The following KCNMB2 variants were observed in gnomAD, a reference collection of about 807,000 sequenced individuals.
KCNMB2 encodes the protein calcium-activated potassium channel subunit beta-2.
A neutral mutation model predicts 24.5 loss-of-function variants in KCNMB2; 9 were observed. That is an observed-to-expected ratio of 0.37 (90% CI 0.22 to 0.64). The LOEUF is 0.64. KCNMB2 is among the 30% of genes least tolerant of loss of function. The pLI, the probability that KCNMB2 is intolerant of heterozygous loss-of-function variation, is 0.63. For missense variants in KCNMB2, 226 were observed against 284.3 expected (o/e 0.79, Z 1.47); for synonymous variants, 109 against 104.4 (o/e 1.04, Z -0.27).
chr3:178,682,663 C>A (rs533810059), intron 1 of KCNMB2, among the ~76,000 whole-genome samples: 9 of 151,550 alleles, frequency 5.9e-5, no homozygotes, highest in Admixed American at 6.6e-5. Context: ...GAAACTTAAA[C>A]AATTGAACAA....
At chr3:178,542,005 A>T (rs1053217919) in intron 1 of KCNMB2, among the ~76,000 whole-genome samples, 16 of 152,148 alleles carry the variant, frequency 1.1e-4, no homozygotes, top group African/African-American at 3.9e-4. Context: ...GAATTAGTTT[A>T]TCCTGTGCAG....
intron 2 of KCNMB2, among the ~76,000 whole-genome samples, chr3:178,813,952 G>GTTGT (rs1418563491): frequency 7.2e-6 from 1 of 139,224 alleles, no homozygotes; most frequent in African/African-American, 2.7e-5. Flanking sequence ...TCACTACGTT[G>GTTGT]TTGTTGTTGT....
At chr3:178,772,095 G>A (rs995886865) in intron 1 of KCNMB2, among the ~76,000 whole-genome samples, 16 of 152,008 alleles carry the variant, frequency 1.1e-4, no homozygotes, top group African/African-American at 3.1e-4. Context: ...ATTAACTAAC[G>A]ATCCCCTCCT....
At chr3:178,671,258 C>T (rs1230669175) in intron 1 of KCNMB2, among the ~76,000 whole-genome samples, 1 of 152,148 alleles carries the variant, frequency 6.6e-6, no homozygotes, top group Non-Finnish European at 1.5e-5. Flanking sequence ...AAGAAAATTG[C>T]TCTGATTAAA....
At chr3:178,842,268 C>G (rs953688669) in intron 4 of KCNMB2, among the ~76,000 whole-genome samples, 1 of 152,044 alleles carries the variant, frequency 6.6e-6, no homozygotes, top group Admixed American at 6.5e-5. Context: ...CATTCTGATT[C>G]CATAAAGAAG....
At chr3:178,809,160 G>T (rs1714090954) in intron 2 of KCNMB2, among the ~76,000 whole-genome samples, 1 of 152,150 alleles carries the variant, frequency 6.6e-6, no homozygotes, top group Admixed American at 6.5e-5. Context: ...TGAAAGTGCA[G>T]AAAGACAGAG....
chr3:178,568,733 A>T (rs573194458), intron 1 of KCNMB2, among the ~76,000 whole-genome samples: 1 of 152,086 alleles, frequency 6.6e-6, no homozygotes, highest in Non-Finnish European at 1.5e-5. Context: ...GTGTAGAGAA[A>T]TCTTTAAGAT....
At chr3:178,713,742 A>G (rs1016909874) in intron 1 of KCNMB2, among the ~76,000 whole-genome samples, 3 of 152,106 alleles carry the variant, frequency 2.0e-5, no homozygotes, top group Non-Finnish European at 4.4e-5. Context: ...CGCTGCTTCC[A>G]CACAAAGCCA....
chr3:178,577,340 A>T (rs746520551), intron 1 of KCNMB2, among the ~76,000 whole-genome samples: 1 of 152,206 alleles, frequency 6.6e-6, no homozygotes, highest in Non-Finnish European at 1.5e-5. Context: ...CAAAAAGGAC[A>T]TCCACACCAA....
intron 1 of KCNMB2, among the ~76,000 whole-genome samples, chr3:178,747,719 T>C (rs965329075): frequency 2.0e-5 from 3 of 152,238 alleles, no homozygotes; most frequent in Non-Finnish European, 4.4e-5. Context: ...AACCTCACTG[T>C]TACTTGATTG....
chr3:178,828,147 CCTGTGTTTA>C, intron 3 of KCNMB2, 22 bp from the exon 4 acceptor site: 1 of 1,541,840 alleles, frequency 6.5e-7, no homozygotes, highest in Non-Finnish European at 8.9e-7. Context: ...AGCTCTTGGG[CCTGTGTTTA>C]CTCTCACCCC....
At chr3:178,804,764 ATTTATTGG>A (rs1713900531) in intron 1 of KCNMB2, among the ~76,000 whole-genome samples, 1 of 152,226 alleles carries the variant, frequency 6.6e-6, no homozygotes, top group East Asian at 1.9e-4. Flanking sequence ...GCACTCAGGA[ATTTATTGG>A]TTTAGCTAGA....
chr3:178,552,282 C>T (rs1017988912), intron 1 of KCNMB2, among the ~76,000 whole-genome samples: 6 of 152,144 alleles, frequency 3.9e-5, no homozygotes, highest in African/African-American at 1.4e-4. Flanking sequence ...AAGAAGAGTC[C>T]AGCAAAGAAG....
intron 1 of KCNMB2, among the ~76,000 whole-genome samples, chr3:178,740,682 T>C (rs1484362378): frequency 6.6e-6 from 1 of 152,222 alleles, no homozygotes; most frequent in Non-Finnish European, 1.5e-5. Flanking sequence ...AGCAGAGTTA[T>C]TGTTCTCCAA....
At chr3:178,584,102 G>A (rs1450513741) in intron 1 of KCNMB2, among the ~76,000 whole-genome samples, 1 of 152,220 alleles carries the variant, frequency 6.6e-6, no homozygotes, top group Non-Finnish European at 1.5e-5. Flanking sequence ...AGCTAGCCAA[G>A]GGGTTGTCCT....
At chr3:178,744,580 A>G (rs1172691345) in intron 1 of KCNMB2, among the ~76,000 whole-genome samples, 1 of 152,188 alleles carries the variant, frequency 6.6e-6, no homozygotes, top group Non-Finnish European at 1.5e-5. Flanking sequence ...AAAATCTTTG[A>G]CAAACCTTGT....
At chr3:178,644,770 G>C (rs527324577) in intron 1 of KCNMB2, among the ~76,000 whole-genome samples, 26 of 152,252 alleles carry the variant, frequency 1.7e-4, no homozygotes, top group Admixed American at 1.1e-3. Context: ...AGCGAACTTG[G>C]AGTCACACAA....
intron 1 of KCNMB2, among the ~76,000 whole-genome samples, chr3:178,675,820 G>A (rs748213293): frequency 3.9e-5 from 6 of 152,184 alleles, no homozygotes; most frequent in Non-Finnish European, 7.3e-5. Context: ...CTGGCCTCCT[G>A]TCAGACAGAG....
At chr3:178,763,643 A>G (rs1172221916) in intron 1 of KCNMB2, among the ~76,000 whole-genome samples, 1 of 152,174 alleles carries the variant, frequency 6.6e-6, no homozygotes, top group East Asian at 1.9e-4. Flanking sequence ...GTGATGATAC[A>G]ATTTAGGATA....
Sources: allele counts gnomAD v4.1 joint callset (sites outside exome capture counted in the v4.1 genomes callset), GRCh38; gene constraint gnomAD v4.1.1; transcripts MANE v1.5; gene names NCBI Gene and HGNC (gene_info 2026-07-23, HGNC 2026-07-21).